ARHGAP17: variants seen among roughly 807,000 people sequenced by gnomAD.
ARHGAP17 encodes rho GTPase-activating protein 17.
A neutral mutation model predicts 99.5 loss-of-function variants in ARHGAP17; 57 were observed. That is an observed-to-expected ratio of 0.57 (90% confidence interval 0.46 to 0.71). ARHGAP17 has a LOEUF of 0.71. Ranked by LOEUF, ARHGAP17 falls within the 30% of genes least tolerant of loss-of-function variation. The probability of loss-of-function intolerance (pLI) is 0.00; values close to 1 mark genes in which losing one functional copy is unlikely to be tolerated. For synonymous variants in ARHGAP17, 417 were observed against 429.6 expected (o/e 0.97, Z 0.36); for missense variants, 1,000 against 1,122.4 (o/e 0.89, Z 1.56).
At chr16:24,952,204 C>A (rs1427142815) in intron 12 of ARHGAP17, 85 bp downstream of exon 12, 2 of 964,828 alleles carry the variant, frequency 2.1e-6, no homozygotes, top group South Asian at 1.7e-5. Flanking sequence ...ATCTTATGAT[C>A]CCTGAGAATA....
chr16:25,000,944 C>T (rs142493121), intron 1 of ARHGAP17, among the ~76,000 whole-genome samples: 38 of 152,314 alleles, frequency 2.5e-4, no homozygotes, highest in African/African-American at 7.2e-4. Context: ...ATGAGGAGAA[C>T]GTTGCTTGCA....
At chr16:24,937,609 G>C (rs2051178232) in intron 17 of ARHGAP17, among the ~76,000 whole-genome samples, 1 of 152,290 alleles carries the variant, frequency 6.6e-6, no homozygotes, top group African/African-American at 2.4e-5. Context: ...GCCCTAAGAA[G>C]TCTGAAGTCT....
At chr16:24,984,461 T>C (rs2052796267) in intron 1 of ARHGAP17, among the ~76,000 whole-genome samples, 1 of 151,902 alleles carries the variant, frequency 6.6e-6, no homozygotes, top group African/African-American at 2.4e-5. Flanking sequence ...GGTCAGGAGA[T>C]CGAGACCACG....
chr16:24,938,402 G>A (rs1457062995), intron 17 of ARHGAP17, among the ~76,000 whole-genome samples: 1 of 151,458 alleles, frequency 6.6e-6, no homozygotes, highest in Non-Finnish European at 1.5e-5. Context: ...TTTCTTAAAA[G>A]TTGCTATCCA....
intron 1 of ARHGAP17, among the ~76,000 whole-genome samples, chr16:24,991,097 T>C (rs1049943323): frequency 1.3e-5 from 2 of 152,170 alleles, no homozygotes; most frequent in African/African-American, 4.8e-5. Flanking sequence ...AGGATAAGAA[T>C]GTAGGATACA....
At chr16:24,952,009 G>A (rs2051658417) in intron 12 of ARHGAP17, among the ~76,000 whole-genome samples, 1 of 152,080 alleles carries the variant, frequency 6.6e-6, no homozygotes, top group African/African-American at 2.4e-5. Context: ...ACATAAAGGG[G>A]GCTGGAAATT....
At chr16:24,958,474 C>T (rs2051879777) in intron 9 of ARHGAP17, among the ~76,000 whole-genome samples, 1 of 152,182 alleles carries the variant, frequency 6.6e-6, no homozygotes, top group Non-Finnish European at 1.5e-5. Context: ...TTTCCAGAGA[C>T]CTCGTTCCTT....
chr16:25,006,214 G>A (rs988409448), intron 1 of ARHGAP17, among the ~76,000 whole-genome samples: 4 of 151,616 alleles, frequency 2.6e-5, no homozygotes, highest in Non-Finnish European at 5.9e-5. Context: ...CAAAGATGAA[G>A]TCAACAGATA....
At chr16:24,983,213 C>T (rs2052756021) in intron 1 of ARHGAP17, among the ~76,000 whole-genome samples, 1 of 151,356 alleles carries the variant, frequency 6.6e-6, no homozygotes, top group Admixed American at 6.6e-5. Context: ...CCATGTTGGC[C>T]AGGCTGGTCT....
chr16:24,976,673 G>C lies in ARHGAP17; in HGVS notation c.198+542C>G, dbSNP rs901051606. Among the ~76,000 whole-genome samples, 8 of 152,150 alleles carry C rather than the reference G, an allele frequency of 5.3e-5. 1 individual carries two copies. Among genetic ancestry groups the C allele is most frequent in the Admixed American group, 2.0e-4 (3 of 15,268 alleles). On this transcript the variant is annotated intron_variant, in intron 3 of 19. Transcript: ENST00000289968. ...GGAGAGAGGCTCTCTACTCCCACTGGCCACACTCAAGGAACAAGCAGCCCA... is the reference window on the plus strand; with the variant it reads ...GGAGAGAGGCTCTCTACTCCCACTGCCCACACTCAAGGAACAAGCAGCCCA...
chr16:24,987,599 T>A (rs1369392528), intron 1 of ARHGAP17, among the ~76,000 whole-genome samples: 2 of 152,150 alleles, frequency 1.3e-5, no homozygotes, highest in Admixed American at 6.5e-5. Context: ...GGGGCTCATC[T>A]TTCTACCACC....
rs139129871 is a variant in ARHGAP17 at position 24,999,156 on chromosome 16, G to A, written c.53+16053C>T. ...AGCTTTGCATTTCTTCAATGACTTC[G>A]AATTTTTTAAAGTGGTCTCACAGAT... is the stretch of plus-strand genomic sequence containing the variant. On this transcript the variant is annotated intron_variant, in intron 1 of 19. Coordinates refer to ENST00000289968, the MANE Select transcript of ARHGAP17 (RefSeq NM_001006634.3). 5.9e-3 allele frequency among the ~76,000 whole-genome samples: 902 copies of A among 152,242 alleles called. 9 individuals carry two copies. The highest frequency in any genetic ancestry group is 0.02 in the African/African-American group (846 of 41,542).
chr16:24,933,934 C>T (rs189878620), intron 18 of ARHGAP17, among the ~76,000 whole-genome samples: 5 of 152,272 alleles, frequency 3.3e-5, no homozygotes, highest in African/African-American at 1.2e-4. Context: ...CAGAGTCACA[C>T]CTGGAATCTA....
At chr16:24,982,996 A>ATTTTTTTT (rs1193522045) in intron 1 of ARHGAP17, among the ~76,000 whole-genome samples, 4 of 46,976 alleles carry the variant, frequency 8.5e-5, no homozygotes, top group African/African-American at 3.5e-4. Context: ...ATATATATAT[A>ATTTTTTTT]TTTTTTTTTT....
intron 1 of ARHGAP17, among the ~76,000 whole-genome samples, chr16:24,983,026 A>T (rs2052749804): frequency 2.6e-5 from 2 of 76,462 alleles, no homozygotes; most frequent in East Asian, 4.5e-4. Context: ...TTTTTTTGAG[A>T]CAGGGTCTCG....
At chr16:24,943,931 G>T in intron 14 of ARHGAP17, 69 bp from the exon 15 acceptor site, 1 of 1,331,532 alleles carries the variant, frequency 7.5e-7, no homozygotes, top group Non-Finnish European at 1.1e-6. Flanking sequence ...GGTTGTGTCA[G>T]GGCAATTCAA....
rs1163362464 is a variant in ARHGAP17, at chr16:24,966,977, T to C, written c.461+1374A>G. ...CCTCCAAGTCACATGGAAAGGCCTA[T>C]GCATTTAGAGTCTAGCACAAAGTCT... On this transcript the variant is annotated intron_variant, in intron 6 of 19. Coordinates refer to ENST00000289968, the MANE Select transcript of ARHGAP17 (RefSeq NM_001006634.3). Among the ~76,000 whole-genome samples, 5 of 152,220 alleles carry C rather than the reference T, an allele frequency of 3.3e-5. 1 individual carries two copies. Among genetic ancestry groups the C allele is most frequent in the South Asian group, 4.1e-4 (2 of 4,830 alleles).
At chr16:24,983,032 T>C (rs1597453121) in intron 1 of ARHGAP17, among the ~76,000 whole-genome samples, 1 of 117,456 alleles carries the variant, frequency 8.5e-6, no homozygotes, top group Non-Finnish European at 1.7e-5. Flanking sequence ...TGAGACAGGG[T>C]CTCGTTCTGT....
chr16:24,966,593 T>A (rs954583809), intron 6 of ARHGAP17, among the ~76,000 whole-genome samples: 1 of 151,820 alleles, frequency 6.6e-6, no homozygotes, highest in African/African-American at 2.4e-5. Context: ...ATTGTGCCAC[T>A]GTACTCCAGC....
Sources: gnomAD v4.1 joint callset for allele counts (sites outside exome capture counted in the v4.1 genomes callset) on GRCh38, gnomAD v4.1.1 for gene constraint, MANE v1.5 for transcripts, NCBI Gene and HGNC (gene_info 2026-07-23, HGNC 2026-07-21) for gene names.